The following PVT1 variants were observed in gnomAD, a reference collection of about 807,000 sequenced individuals.
The protein encoded by PVT1 is CXCR4/PVT1 fusion.
chr8:127,934,629 T>C (rs1416598349), intron 3 of PVT1, among the ~76,000 whole-genome samples: 1 of 151,606 alleles, frequency 6.6e-6, no homozygotes, highest in Non-Finnish European at 1.5e-5. Flanking sequence ...CCAAACTGAC[T>C]CCTTCATGGC....
chr8:127,966,778 A>G (rs1362508223), intron 3 of PVT1, among the ~76,000 whole-genome samples: 4 of 152,228 alleles, frequency 2.6e-5, no homozygotes, highest in African/African-American at 9.6e-5. Context: ...GTGAGCCACA[A>G]TGGGACATAG....
intron 4 of PVT1, among the ~76,000 whole-genome samples, chr8:128,004,464 T>C (rs530541832): frequency 6.6e-6 from 1 of 152,286 alleles, no homozygotes; most frequent in South Asian, 2.1e-4. Flanking sequence ...CACTTCCCTC[T>C]CTGCCGAGAG....
At chr8:127,829,957 C>T (rs1380811185) in intron 2 of PVT1, among the ~76,000 whole-genome samples, 2 of 152,186 alleles carry the variant, frequency 1.3e-5, no homozygotes, top group African/African-American at 4.8e-5. Context: ...CTTGTGGCTG[C>T]AGCAATCTGC....
intron 2 of PVT1, among the ~76,000 whole-genome samples, chr8:127,868,384 T>G (rs1815307970): frequency 6.6e-6 from 1 of 152,068 alleles, no homozygotes; most frequent in Non-Finnish European, 1.5e-5. Flanking sequence ...TCACAGTTTT[T>G]TTTGTTTGTT....
At chr8:127,947,539 C>T in intron 3 of PVT1, 3 of 362,096 alleles carry the variant, frequency 8.3e-6, no homozygotes, top group Non-Finnish European at 1.6e-5. Flanking sequence ...AGGTGGGCCT[C>T]AGGTTTCTCC....
chr8:127,932,684 TA>T (rs1816222279), intron 3 of PVT1: 1 of 394,248 alleles, frequency 2.5e-6, no homozygotes, highest in Non-Finnish European at 4.5e-6. Context: ...TAATAAAAAA[TA>T]AAAAATAAAA....
At chr8:128,064,542 C>T (rs1313376632) in intron 4 of PVT1, among the ~76,000 whole-genome samples, 1 of 152,164 alleles carries the variant, frequency 6.6e-6, no homozygotes, top group Non-Finnish European at 1.5e-5. Context: ...ATGGAGATTC[C>T]TGGGTTCCCC....
At chr8:127,960,386 A>G (rs931222416) in intron 3 of PVT1, among the ~76,000 whole-genome samples, 1 of 152,056 alleles carries the variant, frequency 6.6e-6, no homozygotes, top group African/African-American at 2.4e-5. Flanking sequence ...GATAGGAGAC[A>G]CCCTTCCTGG....
intron 4 of PVT1, among the ~76,000 whole-genome samples, chr8:128,003,616 C>T (rs1035529798): frequency 1.7e-4 from 26 of 152,192 alleles, no homozygotes; most frequent in African/African-American, 5.3e-4. Flanking sequence ...TACGGGTGTG[C>T]GCCATTGCGC....
At chr8:127,890,809 T>A (rs1815591474) in exon 3 of PVT1, 1 of 152,308 alleles carries the variant, frequency 6.6e-6, no homozygotes, top group African/African-American at 2.4e-5. Flanking sequence ...TGTGGCTGAA[T>A]GCCTCATGGA....
chr8:127,814,499 C>T (rs897423029), intron 2 of PVT1, among the ~76,000 whole-genome samples: 5 of 152,222 alleles, frequency 3.3e-5, no homozygotes, highest in African/African-American at 1.2e-4. Flanking sequence ...TTAGCTCCTG[C>T]TGCATGCTGG....
chr8:127,802,530 A>G (rs560887364), intron 2 of PVT1, among the ~76,000 whole-genome samples: 1 of 152,314 alleles, frequency 6.6e-6, no homozygotes, highest in East Asian at 1.9e-4. Context: ...TATCTCATGA[A>G]CCAATTCTTT....
intron 3 of PVT1, among the ~76,000 whole-genome samples, chr8:127,904,988 T>C (rs1212883123): frequency 1.3e-5 from 2 of 152,220 alleles, no homozygotes; most frequent in Non-Finnish European, 2.9e-5. Flanking sequence ...TTGACTTCCA[T>C]GACCAAGCAT....
intron 2 of PVT1, among the ~76,000 whole-genome samples, chr8:127,887,820 G>A (rs546177122): frequency 1.3e-5 from 2 of 150,886 alleles, no homozygotes; most frequent in African/African-American, 2.4e-5. Context: ...GAGCCACCAC[G>A]CTTGGCCTAG....
rs922140927 is a variant in PVT1, at chr8:128,019,609, G to T, written n.912+30318G>T. 3.9e-5 allele frequency among the ~76,000 whole-genome samples: 6 copies of T among 152,228 alleles called. No homozygotes were observed. The South Asian group carries it at 8.3e-4, about 21-fold the overall frequency. On this transcript the variant is annotated intron_variant and non_coding_transcript_variant, in intron 4 of 10. Transcript: ENST00000651587. ...TTTTTTGTACTTTGTTTTGAGGGAG[G>T]CAGGAAATGGAAACTTGCAATGGTA... is the stretch of plus-strand genomic sequence containing the variant.
chr8:127,921,248 C>T (rs1816053272), intron 3 of PVT1, among the ~76,000 whole-genome samples: 1 of 151,924 alleles, frequency 6.6e-6, no homozygotes, highest in African/African-American at 2.4e-5. Context: ...AATTGGGGAG[C>T]ACTAGCAGAA....
intron 3 of PVT1, among the ~76,000 whole-genome samples, chr8:127,941,375 G>A (rs1304129913): frequency 6.6e-6 from 1 of 152,166 alleles, no homozygotes; most frequent in African/African-American, 2.4e-5. Flanking sequence ...CAGGTTCCAG[G>A]AAATTCCGAC....
At chr8:127,915,318 A>C (rs1177661704) in intron 3 of PVT1, among the ~76,000 whole-genome samples, 1 of 151,902 alleles carries the variant, frequency 6.6e-6, no homozygotes, top group Non-Finnish European at 1.5e-5. Flanking sequence ...AGGTTAAAAG[A>C]GGACATGTGG....
chr8:127,988,067 A>G (rs1180258883), intron 3 of PVT1, among the ~76,000 whole-genome samples: 1 of 152,174 alleles, frequency 6.6e-6, no homozygotes, highest in Non-Finnish European at 1.5e-5. Flanking sequence ...CAACACATCT[A>G]AGGAAGGAAT....
Sources: allele counts gnomAD v4.1 joint callset (sites outside exome capture counted in the v4.1 genomes callset), GRCh38; gene constraint gnomAD v4.1.1; transcripts MANE v1.5; gene names NCBI Gene and HGNC (gene_info 2026-07-23, HGNC 2026-07-21).